The following SLC4A5 variants were observed in gnomAD, a reference collection of about 807,000 sequenced individuals.
The protein encoded by SLC4A5 is solute carrier family 4 member 5, also known as electrogenic sodium bicarbonate cotransporter 4.
SLC4A5 carries 96 observed loss-of-function variants against 120.4 expected under a neutral mutation model. The ratio of observed to expected loss-of-function variants is 0.80; its 90% CI spans 0.68 to 0.94. SLC4A5 has a LOEUF of 0.94. SLC4A5 is among the 40% of genes least tolerant of loss of function. The pLI is 0.00. For synonymous variants in SLC4A5, 550 were observed against 571.1 expected, an observed-to-expected ratio of 0.96 and a Z score of 0.53; for missense variants, 1,259 against 1,459.5, an observed-to-expected ratio of 0.86 and a Z score of 2.24.
At position 74,255,882 on chromosome 2, in the gene SLC4A5, G is replaced by C; in HGVS notation, c.918C>G (p.Asn306Lys). The C allele has an allele frequency of 6.2e-7, 1 of 1,614,200 alleles. No homozygotes were observed. The highest frequency in any genetic ancestry group is 8.5e-7 in the Non-Finnish European group (1 of 1,180,044). ...GGAAGTCCACCTCGCCCACGAGCAC[G>C]TTGGACGCTTCTGAGTCCTTGGGGA... is the stretch of plus-strand genomic sequence containing the variant. Residue 306 changes from asparagine to lysine, a missense_variant, in exon 13 of 31, where the codon AAC becomes AAG. By Grantham distance (94) the Asn-to-Lys change is moderately conservative (BLOSUM62 0). Transcript: ENST00000394019. The surrounding 1 kb of genome is among the most constrained non-coding windows in gnomAD (Gnocchi z 4.0).
At chr2:74,316,041 T>G (rs1285997492) in intron 5 of SLC4A5, among the ~76,000 whole-genome samples, 1 of 152,068 alleles carries the variant, frequency 6.6e-6, no homozygotes, top group African/African-American at 2.4e-5. Context: ...AACATTATTA[T>G]TCCCATTTTA....
At chr2:74,266,303 G>T (rs1013836862) in intron 8 of SLC4A5, among the ~76,000 whole-genome samples, 1 of 152,030 alleles carries the variant, frequency 6.6e-6, no homozygotes, top group Non-Finnish European at 1.5e-5. Context: ...TTGAGACAGA[G>T]TCTCCCCCAG....
At chr2:74,259,200 A>G (rs138693240) in intron 12 of SLC4A5, among the ~76,000 whole-genome samples, 80 of 152,280 alleles carry the variant, frequency 5.3e-4, no homozygotes, top group African/African-American at 1.9e-3. Flanking sequence ...CGCCACAGGG[A>G]GATTCTTTTC....
intron 6 of SLC4A5, chr2:74,307,385 G>A: frequency 1.6e-6 from 1 of 628,868 alleles, no homozygotes; most frequent in Non-Finnish European, 3.0e-6. Context: ...TCTTCATGAA[G>A]AGCAGCTCCT....
chr2:74,338,349 T>C (rs535049784), intron 3 of SLC4A5, among the ~76,000 whole-genome samples: 1 of 152,162 alleles, frequency 6.6e-6, no homozygotes, highest in African/African-American at 2.4e-5. Context: ...AAAATTAAAA[T>C]GCAAATCAGC....
At chr2:74,312,671 G>T (rs1672844114) in intron 6 of SLC4A5, among the ~76,000 whole-genome samples, 1 of 152,130 alleles carries the variant, frequency 6.6e-6, no homozygotes. Context: ...AGTGGCTCAT[G>T]CCTGTAATCT....
At chr2:74,233,558 C>T (rs3796109) in exon 23 of SLC4A5, 71,752 of 1,611,466 alleles carry the variant, frequency 0.045, 3,247 homozygotes, top group Admixed American at 0.21. Context: ...GGTCAGGCCG[C>T]GTTGGCTGAG....
At chr2:74,326,465 G>A (rs1452330048) in intron 5 of SLC4A5, among the ~76,000 whole-genome samples, 1 of 152,116 alleles carries the variant, frequency 6.6e-6, no homozygotes, top group Non-Finnish European at 1.5e-5. Flanking sequence ...CCATTTCATT[G>A]CCCCTACCAC....
At chr2:74,307,580 A>G (rs1017674673) in intron 6 of SLC4A5, 28 of 684,382 alleles carry the variant, frequency 4.1e-5, no homozygotes, top group Middle Eastern at 3.0e-4. Context: ...CATTGTCCAC[A>G]GTATTTGCGA....
chr2:74,334,802 T>C (rs1002475052), intron 3 of SLC4A5, among the ~76,000 whole-genome samples: 2 of 152,072 alleles, frequency 1.3e-5, no homozygotes, highest in African/African-American at 4.8e-5. Flanking sequence ...ACCTCAATGG[T>C]TATCTGAATC....
chr2:74,229,507 C>T (rs1201023800), intron 25 of SLC4A5, among the ~76,000 whole-genome samples: 4 of 152,044 alleles, frequency 2.6e-5, no homozygotes, highest in Non-Finnish European at 1.5e-5. Context: ...CCACCTGCCT[C>T]GGCCTCCCAA....
At chr2:74,250,418 T>C in exon 17 of SLC4A5, 3 of 1,614,038 alleles carry the variant, frequency 1.9e-6, no homozygotes, top group Non-Finnish European at 2.5e-6. Context: ...GGTAGATGAA[T>C]AGGATGGCAG....
chr2:74,320,123 C>A (rs1350810163), intron 5 of SLC4A5, among the ~76,000 whole-genome samples: 1 of 151,948 alleles, frequency 6.6e-6, no homozygotes, highest in Admixed American at 6.6e-5. Flanking sequence ...AGAGATTAAA[C>A]AAATACTATG....
chr2:74,260,845 G>A (rs1172482790), intron 11 of SLC4A5, among the ~76,000 whole-genome samples: 2 of 152,150 alleles, frequency 1.3e-5, no homozygotes, highest in Admixed American at 1.3e-4. Flanking sequence ...AATAAAACCC[G>A]GGTTCTTTTG....
chr2:74,227,780 T>A (rs1012762257), intron 26 of SLC4A5, 30 bp downstream of exon 26: 2 of 1,573,408 alleles, frequency 1.3e-6, no homozygotes, highest in African/African-American at 2.7e-5. Flanking sequence ...TGACTCCAGA[T>A]CATGAAGGGA....
In SLC4A5 at chr2:74,264,288, C is replaced by A. The variant is rs1490732040; in HGVS notation, c.574G>T (p.Glu192Ter). Residue 192 changes from glutamate (E) to a stop codon, truncating the protein, a stop_gained, in exon 10 of 31, where the codon GAG becomes TAG. Transcript: ENST00000394019. LOFTEE classifies it high-confidence loss of function. Reference sequence around the variant, plus strand: ...AGGAGACCATCCTCAATCTGCTTCTCAATGACATCATCTGTGTGGAAAACA... The same window carrying A: ...AGGAGACCATCCTCAATCTGCTTCTAAATGACATCATCTGTGTGGAAAACA... 6.2e-7 allele frequency: 1 copy of A among 1,613,828 alleles called. No individual in the cohort carries two copies. The highest frequency in any genetic ancestry group is 1.1e-5 in the South Asian group (1 of 91,028).
At chr2:74,292,993 A>G (rs1266353252) in intron 7 of SLC4A5, among the ~76,000 whole-genome samples, 1 of 150,754 alleles carries the variant, frequency 6.6e-6, no homozygotes, top group African/African-American at 2.4e-5. Flanking sequence ...ACTGCCTGAC[A>G]CTCGGGAGTA....
intron 20 of SLC4A5, 35 bp downstream of exon 20, chr2:74,241,959 C>G: frequency 6.3e-7 from 1 of 1,583,540 alleles, no homozygotes; most frequent in South Asian, 1.1e-5. Flanking sequence ...CAAACAAAAG[C>G]ACTCAAATGT....
chr2:74,299,593 A>C (rs1224830080), intron 7 of SLC4A5, among the ~76,000 whole-genome samples: 1 of 152,232 alleles, frequency 6.6e-6, no homozygotes, highest in Non-Finnish European at 1.5e-5. Context: ...CAACAAAGAA[A>C]TAGCCAATAG....
Sources: allele counts gnomAD v4.1 joint callset (sites outside exome capture counted in the v4.1 genomes callset), GRCh38; gene constraint gnomAD v4.1.1; non-coding constraint Gnocchi (gnomAD v3.1); transcripts MANE v1.5; gene names NCBI Gene and HGNC (gene_info 2026-07-23, HGNC 2026-07-21).